The following IGSF5 variants were observed in gnomAD, a reference collection of about 807,000 sequenced individuals.
IGSF5 encodes the protein immunoglobulin superfamily member 5, also known as immunoglobulin superfamily 5 like.
A neutral mutation model predicts 39.4 loss-of-function variants in IGSF5; 41 were observed. That is an observed-to-expected ratio of 1.04 (90% CI 0.81 to 1.35). The LOEUF is 1.35. Among genes scored for constraint, IGSF5 ranks in the 40% most tolerant of loss-of-function variants. The pLI, the probability that IGSF5 is intolerant of heterozygous loss-of-function variation, is 0.00. For synonymous variants in IGSF5, 183 were observed against 175.3 expected (o/e 1.04, Z -0.34); for missense variants, 487 against 494.6 (o/e 0.98, Z 0.15).
chr21:39,762,005 G>C (rs2146277654), intron 2 of IGSF5, among the ~76,000 whole-genome samples: 1 of 152,278 alleles, frequency 6.6e-6, no homozygotes, highest in Admixed American at 6.5e-5. Context: ...GCAACCAGTT[G>C]TTTACTCGGA....
In IGSF5 at chr21:39,779,304, A is replaced by T. The variant is rs764468617; in HGVS notation, c.933A>T (p.Arg311Ser). Residue 311 changes from arginine to serine, a missense_variant and splice_region_variant, in exon 5 of 9, where the codon AGA becomes AGT. Physicochemically the swap from Arg to Ser is moderately radical, Grantham distance 110. Transcript: ENST00000380588. ...CRCCFCCRRK[R>S]GFRIQFQKKS... ...GTTGTTTCTGCTGTAGAAGAAAAAG[A>T]GGTAATTTTTTTGTTCATTTACATT... is the stretch of plus-strand genomic sequence containing the variant. The T allele has an allele frequency of 4.3e-6, 7 of 1,611,392 alleles. No individual in the cohort carries two copies. In the South Asian group the frequency reaches 6.6e-5, roughly 15 times the overall value.
At chr21:39,722,931 G>A in the IGSF5 span, among the ~76,000 whole-genome samples, 2 of 152,206 alleles carry the variant, frequency 1.3e-5, no homozygotes, top group Non-Finnish European at 2.9e-5. Context: ...CATATGTGTA[G>A]TCCTCACAAA....
upstream of IGSF5, among the ~76,000 whole-genome samples, chr21:39,743,786 C>T (rs1489849193): frequency 6.6e-6 from 1 of 152,158 alleles, no homozygotes; most frequent in Non-Finnish European, 1.5e-5. Flanking sequence ...AGAGGTCTAG[C>T]TGTAAGATGG....
At chr21:39,743,716 T>C (rs2079958036), upstream of IGSF5, among the ~76,000 whole-genome samples, 1 of 152,180 alleles carries the variant, frequency 6.6e-6, no homozygotes, top group Non-Finnish European at 1.5e-5. Context: ...GAGTTGTCTC[T>C]TAATGAAAAG....
At chr21:39,719,067 C>A in the IGSF5 span, among the ~76,000 whole-genome samples, 1,340 of 152,150 alleles carry the variant, frequency 8.8e-3, 23 homozygotes, top group African/African-American at 0.03. Context: ...TCTTCCTGGC[C>A]CAATCTTGGG....
At chr21:39,801,202 G>T in intron 8 of IGSF5, 60 bp from the exon 9 acceptor site, 1 of 1,227,190 alleles carries the variant, frequency 8.1e-7, no homozygotes, top group Non-Finnish European at 1.2e-6. Context: ...CTCTTTTCAA[G>T]TTTGCATTTT....
At chr21:39,788,111 C>A (rs960967465) in intron 5 of IGSF5, 56 bp from the exon 6 acceptor site, 1 of 1,384,348 alleles carries the variant, frequency 7.2e-7, no homozygotes, top group South Asian at 1.2e-5. Context: ...TAATGAGACT[C>A]GATTTTTAGA....
upstream of IGSF5, among the ~76,000 whole-genome samples, chr21:39,741,050 G>T (rs189922629): frequency 6.6e-6 from 1 of 151,844 alleles, no homozygotes; most frequent in Non-Finnish European, 1.5e-5. Flanking sequence ...TTGCAAACTC[G>T]TCCCTCAGAC....
chr21:39,743,046 T>C (rs950319165), upstream of IGSF5, among the ~76,000 whole-genome samples: 1 of 152,206 alleles, frequency 6.6e-6, no homozygotes, highest in Non-Finnish European at 1.5e-5. Context: ...ATTTTCTTCC[T>C]TTCCCTATGC....
At chr21:39,744,235 C>T (rs561405825), upstream of IGSF5, among the ~76,000 whole-genome samples, 15 of 152,276 alleles carry the variant, frequency 9.9e-5, no homozygotes, top group East Asian at 2.1e-3. Flanking sequence ...ATTGCCTTTG[C>T]GCTCAGGAGT....
chr21:39,760,356 GA>G (rs1213115839), intron 2 of IGSF5, among the ~76,000 whole-genome samples: 1 of 152,148 alleles, frequency 6.6e-6, no homozygotes, highest in Non-Finnish European at 1.5e-5. Flanking sequence ...CATTAATTGT[GA>G]GCAAAAGTAA....
chr21:39,757,061 A>G (rs2146274758), intron 2 of IGSF5, among the ~76,000 whole-genome samples: 1 of 150,266 alleles, frequency 6.7e-6, no homozygotes, highest in African/African-American at 2.4e-5. Flanking sequence ...GAGCCTTAGT[A>G]CCTGCTCTTT....
At position 39,801,422 on chromosome 21, in the gene IGSF5, T is replaced by G; in HGVS notation, c.*65T>G. The G allele has an allele frequency of 8.6e-7, 1 of 1,163,270 alleles. No individual in the cohort carries two copies. Among genetic ancestry groups the G allele is most frequent in the Non-Finnish European group, 1.3e-6 (1 of 781,324 alleles). The allele number at this position is 1,163,270 out of a possible 1,614,324, so 72.1% of individuals were successfully genotyped here. Reference sequence around the variant, plus strand: ...ATTCAAAACACGGCGATGGCATCCTTCCTTTCCATCCTAAGACTGGCCTGC... The same window carrying G: ...ATTCAAAACACGGCGATGGCATCCTGCCTTTCCATCCTAAGACTGGCCTGC... On this transcript the variant is annotated 3_prime_UTR_variant, in exon 9 of 9. Transcript: ENST00000380588.
intron 3 of IGSF5, among the ~76,000 whole-genome samples, chr21:39,767,814 C>G (rs1038459201): frequency 6.6e-6 from 1 of 152,158 alleles, no homozygotes; most frequent in Non-Finnish European, 1.5e-5. Context: ...GGGGAGCTGA[C>G]AGAGTCAATA....
chr21:39,748,361 A>G (rs2079986668), intron 2 of IGSF5, among the ~76,000 whole-genome samples: 1 of 115,946 alleles, frequency 8.6e-6, no homozygotes, highest in Non-Finnish European at 1.6e-5. Context: ...CCCAGGCTGG[A>G]GTGCAGTGGC....
upstream of IGSF5, among the ~76,000 whole-genome samples, chr21:39,740,196 C>G (rs186634103): frequency 3.2e-3 from 487 of 152,336 alleles, 5 homozygotes; most frequent in Non-Finnish European, 5.8e-3. Context: ...TTACCCCATA[C>G]TAGGGGTCCT....
At chr21:39,795,072 T>C (rs1306999461) in intron 8 of IGSF5, among the ~76,000 whole-genome samples, 1 of 152,148 alleles carries the variant, frequency 6.6e-6, no homozygotes, top group African/African-American at 2.4e-5. Flanking sequence ...GCCTGGGGCA[T>C]AAAGGCAACT....
intron 5 of IGSF5, among the ~76,000 whole-genome samples, chr21:39,780,673 T>C (rs1266213933): frequency 6.6e-6 from 1 of 152,226 alleles, no homozygotes; most frequent in Non-Finnish European, 1.5e-5. Context: ...TGAAATTCTC[T>C]GAGATACTCC....
chr21:39,792,156 G>T, intron 7 of IGSF5, 57 bp downstream of exon 7: 1 of 1,210,124 alleles, frequency 8.3e-7, no homozygotes. Context: ...TGGAAGAAGG[G>T]CTGGCTTGCT....
Sources: gnomAD v4.1 joint callset for allele counts (sites outside exome capture counted in the v4.1 genomes callset) on GRCh38, gnomAD v4.1.1 for gene constraint, MANE v1.5 for transcripts, NCBI Gene and HGNC (gene_info 2026-07-23, HGNC 2026-07-21) for gene names.